The following GLOD4 variants were observed in gnomAD, a reference collection of about 807,000 sequenced individuals.
The protein encoded by GLOD4 is glyoxalase domain containing 4, also known as glyoxalase domain-containing protein 4.
GLOD4 carries 44 observed loss-of-function variants against 39.1 expected under a neutral mutation model. The observed-to-expected ratio is 1.13, with a 90% CI of 0.88 to 1.45. GLOD4 has a LOEUF of 1.45. Among genes scored for constraint, GLOD4 ranks in the 40% most tolerant of loss-of-function variants. The pLI is 0.00. For synonymous variants in GLOD4, 145 were observed against 135.0 expected (o/e 1.07, Z -0.52); for missense variants, 405 against 366.4 (o/e 1.11, Z -0.86).
intron 1 of GLOD4, among the ~76,000 whole-genome samples, chr17:781,027 T>C (rs1253216959): frequency 1.3e-5 from 2 of 151,438 alleles, no homozygotes; most frequent in Non-Finnish European, 2.9e-5. Flanking sequence ...TACAGGCGAT[T>C]CTCTTGCCTC....
At chr17:769,099 G>A (rs1175748870) in intron 8 of GLOD4, among the ~76,000 whole-genome samples, 1 of 152,254 alleles carries the variant, frequency 6.6e-6, no homozygotes, top group East Asian at 1.9e-4. Context: ...TGATGCTGCA[G>A]AATGGAGAAG....
At chr17:773,358 A>G (rs1488422053) in intron 4 of GLOD4, among the ~76,000 whole-genome samples, 1 of 152,216 alleles carries the variant, frequency 6.6e-6, no homozygotes, top group African/African-American at 2.4e-5. Context: ...ACAATAGAGA[A>G]TTGTTTCTCT....
upstream of GLOD4, among the ~76,000 whole-genome samples, chr17:785,777 G>C (rs1301546136): frequency 6.6e-6 from 1 of 152,190 alleles, no homozygotes; most frequent in African/African-American, 2.4e-5. Context: ...AATGTAGTTT[G>C]AATTTTAAAA....
intron 1 of GLOD4, among the ~76,000 whole-genome samples, chr17:779,171 C>T (rs1469178841): frequency 1.3e-5 from 2 of 151,672 alleles, no homozygotes; most frequent in Non-Finnish European, 2.9e-5. Context: ...AAAAATTAGC[C>T]AGGCGTGGTG....
intron 8 of GLOD4, among the ~76,000 whole-genome samples, chr17:769,206 G>A (rs1375028287): frequency 2.0e-5 from 3 of 152,002 alleles, no homozygotes; most frequent in African/African-American, 7.3e-5. Context: ...CATGGGGAGA[G>A]CTGAGGGGGT....
Position 776,880 on chromosome 17 carries a change from G to A in GLOD4, c.249C>T (p.Gly83=), listed in dbSNP as rs116051522. ...AAACGGTATTTACCATAAAGTCATTGCCAAGCTTGTAGTCTCCGACGCCAT... is the reference window on the plus strand; with the variant it reads ...AAACGGTATTTACCATAAAGTCATTACCAAGCTTGTAGTCTCCGACGCCAT... The part of the protein sequence containing the change: ...YNYGVGDYKL[G]NDFMGITLAS... Residue 83 remains glycine (G), a synonymous_variant, in exon 3 of 9, where the codon GGC becomes GGT. Coordinates refer to ENST00000301329, the MANE Select transcript of GLOD4 (RefSeq NM_016080.4). The A allele has an allele frequency of 1.6e-4, 259 of 1,613,148 alleles. 2 individuals carry two copies. In the African/African-American group the frequency reaches 3.2e-3, roughly 20 times the overall value.
At chr17:770,824 T>G (rs1035996289) in intron 5 of GLOD4, 6 of 254,962 alleles carry the variant, frequency 2.4e-5, no homozygotes, top group African/African-American at 4.4e-5. Flanking sequence ...TAGTAATCCA[T>G]TCCATGAATG....
At chr17:778,294 C>T (rs540312714) in intron 2 of GLOD4, 218 of 319,986 alleles carry the variant, frequency 6.8e-4, no homozygotes, top group African/African-American at 3.6e-3. Context: ...CGGCGCCTGA[C>T]GTGGCGGAAA....
chr17:783,264 A>G (rs758011689), upstream of GLOD4: 1 of 1,614,028 alleles, frequency 6.2e-7, no homozygotes, highest in Non-Finnish European at 8.5e-7. Flanking sequence ...TGTCAGCCTC[A>G]TTAAGGTGAA....
At chr17:781,875 T>C (rs1391987915) in intron 1 of GLOD4, 1 of 431,130 alleles carries the variant, frequency 2.3e-6, no homozygotes, top group Non-Finnish European at 4.1e-6. Context: ...TCTTTTCCGG[T>C]AGACGGTAAG....
chr17:773,844 C>T (rs867667682), intron 4 of GLOD4, among the ~76,000 whole-genome samples: 13 of 152,174 alleles, frequency 8.5e-5, no homozygotes, highest in Middle Eastern at 6.8e-3. Flanking sequence ...CCTGAAGGGA[C>T]GCAGGACAGG....
chr17:783,349 CTT>C (rs35144249), upstream of GLOD4: 312 of 1,321,468 alleles, frequency 2.4e-4, no homozygotes, highest in Admixed American at 5.9e-4. Flanking sequence ...CCCAGTGTAT[CTT>C]TTTTTTTTTT....
chr17:765,372 G>T (rs370143533), intron 8 of GLOD4: 5 of 150,930 alleles, frequency 3.3e-5, no homozygotes, highest in African/African-American at 1.2e-4. Flanking sequence ...TGATGGTTAC[G>T]TTCAGGGCAG....
intron 8 of GLOD4, 55 bp downstream of exon 8, chr17:769,814 C>A: frequency 9.6e-7 from 1 of 1,040,216 alleles, no homozygotes; most frequent in Non-Finnish European, 1.5e-6. Context: ...CCCACACACA[C>A]TTAATGCCAT....
chr17:768,452 G>GA (rs1225060670), intron 8 of GLOD4, among the ~76,000 whole-genome samples: 33 of 144,824 alleles, frequency 2.3e-4, no homozygotes, highest in African/African-American at 7.9e-4. Flanking sequence ...ATAAGAGGGA[G>GA]AAACAGCGCG....
At chr17:768,405 C>T (rs12937284) in intron 8 of GLOD4, among the ~76,000 whole-genome samples, 2 of 141,246 alleles carry the variant, frequency 1.4e-5, no homozygotes, top group Admixed American at 7.3e-5. Context: ...AGAGAAACAG[C>T]GCGCGCTCAG....
chr17:778,266 G>A (rs1424446707), intron 2 of GLOD4: 1 of 278,710 alleles, frequency 3.6e-6, no homozygotes, highest in African/African-American at 2.2e-5. Flanking sequence ...CGGAAATCCT[G>A]AAGATCCAGA....
chr17:776,747 T>C, intron 3 of GLOD4, 121 bp downstream of exon 3: 1 of 761,880 alleles, frequency 1.3e-6, no homozygotes, highest in Admixed American at 2.0e-5. Flanking sequence ...CTCCCTGACC[T>C]CTTTTGAGTC....
At chr17:770,307 G>C in intron 6 of GLOD4, 114 bp downstream of exon 6, 1 of 775,542 alleles carries the variant, frequency 1.3e-6, no homozygotes, top group Non-Finnish European at 2.3e-6. Flanking sequence ...AACAACTGCT[G>C]AACTTGATAC....
Sources: allele counts gnomAD v4.1 joint callset (sites outside exome capture counted in the v4.1 genomes callset), GRCh38; gene constraint gnomAD v4.1.1; transcripts MANE v1.5; gene names NCBI Gene and HGNC (gene_info 2026-07-23, HGNC 2026-07-21).